OR4A15: variants seen among roughly 807,000 people sequenced by gnomAD.
The protein encoded by OR4A15 is olfactory receptor 4A15.
For missense variants in OR4A15, 657 were observed against 374.7 expected, an observed-to-expected ratio of 1.75 and a Z score of -6.22; for synonymous variants, 240 against 135.6, an observed-to-expected ratio of 1.77 and a Z score of -5.35.
exon 1 of OR4A15, chr11:55,368,587 G>C (rs762535138): frequency 6.2e-7 from 1 of 1,613,636 alleles, no homozygotes; most frequent in Non-Finnish European, 8.5e-7. Context: ...GGAGCGATTT[G>C]TGCTGTCACC....
exon 1 of OR4A15, chr11:55,368,842 C>T (rs1300761035): frequency 6.2e-7 from 1 of 1,612,764 alleles, no homozygotes; most frequent in East Asian, 2.2e-5. Context: ...CTGAAGAATG[C>T]AGAAATGAAA....
chr11:55,368,552 T>C, exon 1 of OR4A15: 1 of 1,613,556 alleles, frequency 6.2e-7, no homozygotes, highest in Non-Finnish European at 8.5e-7. Flanking sequence ...CCTATGTCAC[T>C]GGGCTTTCTA....
At position 55,368,716 on chromosome 11, in the gene OR4A15, TC is replaced by T. The variant is rs1455155240; in HGVS notation, c.744del (p.Phe249LeufsTer21). 9 of 1,613,658 alleles carry T rather than the reference TC, an allele frequency of 5.6e-6. No homozygotes were observed. The highest frequency in any genetic ancestry group is 1.7e-5 in the Admixed American group (1 of 59,946). ...TCCCACGTCACTGTGGTCATTTTAT[TC>T]TTTGTCCCCTGTATCTTCTTGTATG... On this transcript the variant is annotated frameshift_variant, in exon 1 of 1. Transcript: ENST00000641526. LOFTEE classifies it low-confidence loss of function (END_TRUNC).
chr11:55,368,643 A>G, exon 1 of OR4A15: 2 of 1,613,636 alleles, frequency 1.2e-6, no homozygotes, highest in Non-Finnish European at 1.7e-6. Context: ...ACACTCTCTT[A>G]AGACTCAGAG....
exon 1 of OR4A15, chr11:55,368,897 G>C (rs1296505049): frequency 1.2e-6 from 2 of 1,604,320 alleles, no homozygotes; most frequent in Non-Finnish European, 1.7e-6. Flanking sequence ...GCTTAGCTGG[G>C]AAATGGCTGT....
chr11:55,368,860 T>C, exon 1 of OR4A15: 1 of 1,611,512 alleles, frequency 6.2e-7, no homozygotes, highest in South Asian at 1.1e-5. Context: ...AAAAGTGCCA[T>C]GAGGAAACTT....
At chr11:55,368,739 T>G (rs1853893374) in exon 1 of OR4A15, 4 of 1,613,664 alleles carry the variant, frequency 2.5e-6, no homozygotes, top group Non-Finnish European at 3.4e-6. Context: ...TATCTTCTTG[T>G]ATGCAAGGCC....
chr11:55,368,623 G>T lies in OR4A15; in HGVS notation c.650G>T (p.Gly217Val), dbSNP rs372782535. 3.7e-5 allele frequency: 60 copies of T among 1,613,580 alleles called. No homozygotes were observed. The African/African-American group carries it at 7.3e-4, about 20-fold the overall frequency. ...TTCTTCACTATCCTGCTTTCCTATG[G>T]GGTCATATTACACTCTCTTAAGACT... Residue 217 changes from glycine (G) to valine (V), a missense_variant, in exon 1 of 1, where the codon GGG becomes GTG. Gly to Val is a moderately radical substitution (Grantham distance 109, BLOSUM62 -3). Transcript: ENST00000641526.
Position 55,368,887 on chromosome 11 carries a change from G to A in OR4A15, c.914G>A (p.Ser305Asn), listed in dbSNP as rs374498563. ...AGGAAACTTTGGAGTAAAAAAGTAA[G>A]CTTAGCTGGGAAATGGCTGTATCAC... Residue 305 changes from serine (S) to asparagine (N), a missense_variant, in exon 1 of 1, where the codon AGC (serine) becomes AAC (asparagine). Ser to Asn is a conservative substitution (Grantham distance 46). Coordinates refer to ENST00000641526, the Ensembl canonical transcript of OR4A15. 61 of 1,606,806 alleles carry A rather than the reference G, an allele frequency of 3.8e-5. No individual in the cohort carries two copies. The highest frequency in any genetic ancestry group is 4.9e-5 in the Non-Finnish European group (58 of 1,177,258).
At position 55,368,762 on chromosome 11, in the gene OR4A15, TC is replaced by T. The variant is rs1853894096; in HGVS notation, c.792del (p.Ile265LeufsTer5). 5.0e-6 allele frequency: 8 copies of T among 1,613,800 alleles called. No homozygotes were observed. The highest frequency in any genetic ancestry group is 6.8e-6 in the Non-Finnish European group (8 of 1,179,782). The stretch of plus-strand genomic sequence containing the variant: ...TGTATGCAAGGCCCAATTCTACTTT[TC>T]CCATTGATAAATCCATGACTGTAGT... On this transcript the variant is annotated frameshift_variant, in exon 1 of 1. Coordinates refer to ENST00000641526, the Ensembl canonical transcript of OR4A15. LOFTEE classifies it low-confidence loss of function (END_TRUNC).
chr11:55,368,556 C>T lies in OR4A15; in HGVS notation c.583C>T (p.Leu195Phe), dbSNP rs753902951. The stretch of plus-strand genomic sequence containing the variant: ...TTGCACCAATACCTATGTCACTGGG[C>T]TTTCTATGATAGCTAATGGAGGAGC... Residue 195 changes from leucine to phenylalanine, a missense_variant, in exon 1 of 1, where the codon CTT becomes TTT. Coordinates refer to ENST00000641526, the Ensembl canonical transcript of OR4A15. 6 of 1,613,386 alleles carry T rather than the reference C, an allele frequency of 3.7e-6. No homozygotes were observed. The Admixed American group carries it at 5.0e-5, about 13-fold the overall frequency.
chr11:55,368,676 T>C, exon 1 of OR4A15: 2 of 1,613,744 alleles, frequency 1.2e-6, no homozygotes, highest in Non-Finnish European at 1.7e-6. Context: ...ACGAAAAGCT[T>C]TCTACACCTG....
exon 1 of OR4A15, chr11:55,368,764 C>T: frequency 1.2e-6 from 2 of 1,613,690 alleles, no homozygotes; most frequent in South Asian, 1.1e-5. Flanking sequence ...TCTACTTTTC[C>T]CATTGATAAA....
exon 1 of OR4A15, chr11:55,368,172 A>T (rs1397345988): frequency 6.2e-7 from 1 of 1,613,050 alleles, no homozygotes; most frequent in African/African-American, 1.3e-5. Flanking sequence ...TTTATCATTC[A>T]TAGATACCGT....
chr11:55,368,428 T>G, exon 1 of OR4A15: 1 of 1,612,906 alleles, frequency 6.2e-7, no homozygotes, highest in Non-Finnish European at 8.5e-7. Context: ...GGAGGCTTTC[T>G]TCACTCATTG....
In OR4A15 at chr11:55,368,682, A is replaced by G. The variant is rs776945448; in HGVS notation, c.709A>G (p.Thr237Ala). The G allele has an allele frequency of 3.7e-6, 6 of 1,613,476 alleles. No individual in the cohort carries two copies. In the East Asian group the frequency reaches 6.7e-5, roughly 18 times the overall value. The change falls in exon 1 of 1, where the codon ACC (threonine) becomes GCC (alanine). Residue 237 changes from threonine to alanine, a missense_variant. Transcript: ENST00000641526. The stretch of plus-strand genomic sequence containing the variant: ...GGAAGGGAAACGAAAAGCTTTCTAC[A>G]CCTGTGCATCCCACGTCACTGTGGT...
exon 1 of OR4A15, chr11:55,368,391 G>A: frequency 3.1e-6 from 5 of 1,613,770 alleles, no homozygotes; most frequent in Non-Finnish European, 3.4e-6. Context: ...TCGAGTCTGT[G>A]TTCTTATGCT....
At chr11:55,368,252 G>A (rs780887794) in exon 1 of OR4A15, 3 of 1,613,758 alleles carry the variant, frequency 1.9e-6, no homozygotes, top group South Asian at 1.1e-5. Context: ...TTTCCTTTCA[G>A]GGTTGTATGG....
rs761530272 is a variant in OR4A15, at chr11:55,368,479, C to A, written c.506C>A (p.Pro169His). 8 of 1,610,340 alleles carry A rather than the reference C, an allele frequency of 5.0e-6. No individual in the cohort carries two copies. In the Admixed American group the frequency reaches 6.7e-5, roughly 13 times the overall value. Residue 169 changes from proline (P) to histidine (H), a missense_variant, in exon 1 of 1, where the codon CCC becomes CAC. Transcript: ENST00000641526. ...ATTTATCAGCTCCCTTTCTGTGGAC[C>A]CAATGTCATTGACAACTTCCTGTGT...
Sources: gnomAD v4.1 joint callset for allele counts on GRCh38, gnomAD v4.1.1 for gene constraint, MANE v1.5 for transcripts, NCBI Gene and HGNC (gene_info 2026-07-23, HGNC 2026-07-21) for gene names.